Variants in ANKS1B observed in about 807,000 individuals in gnomAD.
The protein encoded by ANKS1B is ankyrin repeat and sterile alpha motif domain containing 1B, also known as ankyrin repeat and sterile alpha motif domain-containing protein 1B.
Under a neutral mutation model 148.3 loss-of-function variants are expected in ANKS1B, and 36 were observed. The ratio of observed to expected loss-of-function variants is 0.24; its 90% CI spans 0.19 to 0.32. The LOEUF (loss-of-function observed/expected upper bound fraction) is 0.32. Among genes scored for constraint, ANKS1B ranks in the 10% least tolerant of loss-of-function variants. The pLI is 1.00. For synonymous variants in ANKS1B, 542 were observed against 560.8 expected, an observed-to-expected ratio of 0.97 and a Z score of 0.47; for missense variants, 1,157 against 1,542.6, an observed-to-expected ratio of 0.75 and a Z score of 4.19.
At chr12:98,950,659 A>C (rs987402472) in intron 17 of ANKS1B, among the ~76,000 whole-genome samples, 4 of 152,144 alleles carry the variant, frequency 2.6e-5, no homozygotes, top group Admixed American at 2.0e-4. Flanking sequence ...TGATTTTACC[A>C]ATGAAAATAA....
chr12:98,854,468 C>T (rs187211895), intron 17 of ANKS1B, among the ~76,000 whole-genome samples: 17 of 152,112 alleles, frequency 1.1e-4, no homozygotes, highest in African/African-American at 3.4e-4. Flanking sequence ...AGGCTTTATG[C>T]GCAATTTACA....
rs776239269 is a variant in ANKS1B at position 99,246,884 on chromosome 12, A to G, written c.1757-20T>C. On this transcript the variant is annotated intron_variant, in intron 12 of 26. Coordinates refer to ENST00000683438, the MANE Select transcript of ANKS1B (RefSeq NM_001352186.2). Reference sequence around the variant, plus strand: ...GGTCATCTGCAAAAGGAAGGAAGGGATATCAGGGTTTATAAAGGTTCTGAA... The same window carrying G: ...GGTCATCTGCAAAAGGAAGGAAGGGGTATCAGGGTTTATAAAGGTTCTGAA... 2 of 1,541,756 alleles carry G rather than the reference A, an allele frequency of 1.3e-6. No homozygotes were observed. The highest frequency in any genetic ancestry group is 1.7e-6 in the Non-Finnish European group (2 of 1,153,810).
At chr12:99,892,521 C>G (rs773105090) in intron 1 of ANKS1B, among the ~76,000 whole-genome samples, 1 of 152,082 alleles carries the variant, frequency 6.6e-6, no homozygotes, top group African/African-American at 2.4e-5. Flanking sequence ...GAATCCCCAA[C>G]CAGAAGTGGA....
chr12:99,240,337 C>T (rs776883311), intron 14 of ANKS1B, among the ~76,000 whole-genome samples: 17 of 152,090 alleles, frequency 1.1e-4, no homozygotes, highest in East Asian at 3.9e-4. Context: ...TAATGGTAAA[C>T]GGATCAATTC....
At chr12:99,572,397 T>C (rs1463713348) in intron 9 of ANKS1B, among the ~76,000 whole-genome samples, 2 of 151,894 alleles carry the variant, frequency 1.3e-5, no homozygotes, top group East Asian at 3.9e-4. Flanking sequence ...TGAAATAATA[T>C]GAGATTAATC....
chr12:99,806,585 G>A lies in ANKS1B; in HGVS notation c.488C>T (p.Thr163Ile). 1 of 1,613,952 alleles carries A rather than the reference G, an allele frequency of 6.2e-7. No individual in the cohort carries two copies. Among genetic ancestry groups the A allele is most frequent in the Non-Finnish European group, 8.5e-7 (1 of 1,179,878 alleles). ...GTAGAGTGCCGCCAAGTCCAAAGGT[G>A]TTTCCAGCTTGCTATTTCTAATTGT... ...DPTIRNSKLE[T>I]PLDLAALYGR... The change falls in exon 4 of 27, where the codon ACA becomes ATA. Residue 163 changes from threonine to isoleucine, a missense_variant. Physicochemically the swap from Thr to Ile is moderately conservative, Grantham distance 89. Transcript: ENST00000683438.
At chr12:98,845,810 C>G (rs1345243797) in intron 17 of ANKS1B, among the ~76,000 whole-genome samples, 1 of 151,304 alleles carries the variant, frequency 6.6e-6, no homozygotes, top group Non-Finnish European at 1.5e-5. Context: ...CCTCTATTAC[C>G]TTTAGATAAT....
intron 1 of ANKS1B, among the ~76,000 whole-genome samples, chr12:99,882,570 C>A (rs2092582903): frequency 2.0e-5 from 3 of 152,110 alleles, no homozygotes; most frequent in South Asian, 2.1e-4. Flanking sequence ...GAGGATCCCT[C>A]ATCAGAAGTG....
At chr12:99,766,485 T>C (rs2062655810) in intron 8 of ANKS1B, among the ~76,000 whole-genome samples, 1 of 152,146 alleles carries the variant, frequency 6.6e-6, no homozygotes, top group Admixed American at 6.5e-5. Context: ...ACCCTTCTGA[T>C]TCTGGATTTT....
intron 17 of ANKS1B, among the ~76,000 whole-genome samples, chr12:99,002,489 TC>T (rs200218523): frequency 0.043 from 2,118 of 49,484 alleles, 56 homozygotes; most frequent in African/African-American, 0.18. Context: ...TACTTATCTC[TC>T]TTTTTTTTTT....
intron 17 of ANKS1B, among the ~76,000 whole-genome samples, chr12:98,871,495 G>T (rs911962711): frequency 1.3e-5 from 2 of 152,216 alleles, no homozygotes; most frequent in African/African-American, 4.8e-5. Context: ...AAATCACAAA[G>T]AAATCAGTGG....
Position 99,268,758 on chromosome 12 carries a change from T to C in ANKS1B, c.1757-21894A>G, listed in dbSNP as rs1255849835. ...TTTATGCTATAGCTGACACAAGTAG[T>C]AGAAAAATTTGGAAGCACAAACTGC... is the stretch of plus-strand genomic sequence containing the variant. On this transcript the variant is annotated intron_variant, in intron 12 of 26. Transcript: ENST00000683438. 1.3e-5 allele frequency among the ~76,000 whole-genome samples: 2 copies of C among 152,160 alleles called. 1 individual carries two copies. The highest frequency in any genetic ancestry group is 2.9e-5 in the Non-Finnish European group (2 of 68,022).
intron 17 of ANKS1B, among the ~76,000 whole-genome samples, chr12:98,892,681 G>GTT (rs2099755154): frequency 6.6e-6 from 1 of 152,196 alleles, no homozygotes; most frequent in Admixed American, 6.5e-5. Context: ...CACTTATGCA[G>GTT]TTTTATTTTT....
chr12:99,218,405 C>G (rs187697327), intron 14 of ANKS1B, among the ~76,000 whole-genome samples: 2 of 152,260 alleles, frequency 1.3e-5, no homozygotes, highest in Non-Finnish European at 2.9e-5. Context: ...AGATTCTTTG[C>G]TAAGTGGCTG....
chr12:98,762,200 A>G (rs1242774932), intron 25 of ANKS1B, among the ~76,000 whole-genome samples: 1 of 152,208 alleles, frequency 6.6e-6, no homozygotes, highest in Non-Finnish European at 1.5e-5. Context: ...TCCCTGGATC[A>G]CCTGCATAGG....
chr12:99,915,812 G>C (rs891950028), intron 1 of ANKS1B, among the ~76,000 whole-genome samples: 2 of 152,166 alleles, frequency 1.3e-5, no homozygotes, highest in Non-Finnish European at 2.9e-5. Flanking sequence ...AGACATTGTT[G>C]GTTCCTTTTA....
rs146780333 is a variant in ANKS1B at position 99,458,134 on chromosome 12, C to T, written c.1439-14325G>A. On this transcript the variant is annotated intron_variant, in intron 10 of 26. Transcript: ENST00000683438. ...CAACTCCAAAAGAAACCCTGAAAAC[C>T]ATGCAAATACATAGAAACTGAATAA... Among the ~76,000 whole-genome samples, 345 of 152,014 alleles carry T rather than the reference C, an allele frequency of 2.3e-3. 1 individual carries two copies. The highest frequency in any genetic ancestry group is 8.1e-3 in the African/African-American group (336 of 41,506).
chr12:99,919,166 G>A (rs1438994060), intron 1 of ANKS1B, among the ~76,000 whole-genome samples: 1 of 152,124 alleles, frequency 6.6e-6, no homozygotes, highest in African/African-American at 2.4e-5. Flanking sequence ...GTTTACAATG[G>A]GCAATTTCCT....
chr12:99,160,856 G>A (rs567801573), intron 14 of ANKS1B, among the ~76,000 whole-genome samples: 2 of 152,186 alleles, frequency 1.3e-5, no homozygotes, highest in South Asian at 2.1e-4. Flanking sequence ...GTAGGTGTGC[G>A]GCTTTATATC....
Sources: gnomAD v4.1 joint callset for allele counts (sites outside exome capture counted in the v4.1 genomes callset) on GRCh38, gnomAD v4.1.1 for gene constraint, MANE v1.5 for transcripts, NCBI Gene and HGNC (gene_info 2026-07-23, HGNC 2026-07-21) for gene names.